The following SPATA13 variants were observed in gnomAD, a reference collection of about 807,000 sequenced individuals.
SPATA13 encodes spermatogenesis associated 13, also known as spermatogenesis-associated protein 13.
Under a neutral mutation model 104.0 loss-of-function variants are expected in SPATA13, and 50 were observed. That is an observed-to-expected ratio of 0.48 (90% CI 0.38 to 0.61). The LOEUF is 0.61. SPATA13 is among the 20% of genes least tolerant of loss of function. The probability of loss-of-function intolerance (pLI) is 0.00; values close to 1 mark genes in which losing one functional copy is unlikely to be tolerated. For synonymous variants in SPATA13, 606 were observed against 667.5 expected (o/e 0.91, Z 1.42); for missense variants, 1,524 against 1,690.6 (o/e 0.90, Z 1.73).
chr13:24,031,266 A>G (rs1311445065), intron 3 of SPATA13, among the ~76,000 whole-genome samples: 2 of 152,192 alleles, frequency 1.3e-5, no homozygotes, highest in African/African-American at 4.8e-5. Flanking sequence ...TAGGGCATTT[A>G]GCACAGACCA....
At chr13:24,213,057 C>T (rs529482892) in intron 1 of SPATA13, among the ~76,000 whole-genome samples, 29 of 152,322 alleles carry the variant, frequency 1.9e-4, no homozygotes, top group East Asian at 7.7e-4. Flanking sequence ...CTGCTTGGGT[C>T]GGCCCGTCTC....
chr13:24,148,299 C>G (rs974021984), intron 3 of SPATA13, among the ~76,000 whole-genome samples: 2 of 152,108 alleles, frequency 1.3e-5, no homozygotes, highest in African/African-American at 4.8e-5. Flanking sequence ...GGGTCTCAGT[C>G]CTACTTTCAT....
intron 3 of SPATA13, among the ~76,000 whole-genome samples, chr13:24,121,803 A>C (rs1881038282): frequency 6.6e-6 from 1 of 152,134 alleles, no homozygotes; most frequent in African/African-American, 2.4e-5. Context: ...GAAGCTTCAC[A>C]GTCAGGATCT....
rs1477265071 is a variant in SPATA13 at position 24,016,663 on chromosome 13, C to A, written c.-146-1004C>A. Among the ~76,000 whole-genome samples the A allele has an allele frequency of 2.0e-5, 3 of 152,234 alleles. No homozygotes were observed. The East Asian group carries it at 5.8e-4, about 29-fold the overall frequency. On this transcript the variant is annotated intron_variant, in intron 2 of 14. Coordinates refer to the SPATA13 transcript ENST00000424834. ...CCTCCCCGCTCCCTCTCCTTCCTGG[C>A]TCTCAGTTTCCTGAGCTGCGTGTCC...
chr13:24,199,242 C>G (rs1870267686), intron 1 of SPATA13, among the ~76,000 whole-genome samples: 1 of 152,138 alleles, frequency 6.6e-6, no homozygotes, highest in Non-Finnish European at 1.5e-5. Flanking sequence ...AATCCAGCAC[C>G]CACGCCAGCT....
intron 1 of SPATA13, among the ~76,000 whole-genome samples, chr13:24,220,678 A>T (rs1593431645): frequency 6.6e-6 from 1 of 152,152 alleles, no homozygotes; most frequent in South Asian, 2.1e-4. Context: ...AGAACATTAA[A>T]CTGCAGAGGG....
chr13:24,111,905 G>A (rs1880652990), intron 3 of SPATA13, among the ~76,000 whole-genome samples: 1 of 152,160 alleles, frequency 6.6e-6, no homozygotes, highest in Non-Finnish European at 1.5e-5. Context: ...ATGTTTCCTT[G>A]TTTGATGTTG....
intron 3 of SPATA13, among the ~76,000 whole-genome samples, chr13:24,140,420 C>T (rs1474337497): frequency 6.6e-6 from 1 of 152,148 alleles, no homozygotes; most frequent in African/African-American, 2.4e-5. Flanking sequence ...ACTAGTAATT[C>T]ATCTATAGAG....
intron 1 of SPATA13, among the ~76,000 whole-genome samples, chr13:23,982,037 G>T (rs944340717): frequency 1.3e-5 from 2 of 152,164 alleles, no homozygotes; most frequent in African/African-American, 4.8e-5. Context: ...TTTAAATTTG[G>T]TTATTCATGA....
chr13:24,120,657 T>G (rs1009892856), intron 3 of SPATA13, among the ~76,000 whole-genome samples: 11 of 152,238 alleles, frequency 7.2e-5, no homozygotes, highest in Non-Finnish European at 1.5e-4. Flanking sequence ...AGGTGAAATA[T>G]TAATGCTTAT....
At chr13:24,086,643 C>G (rs1009911289) in intron 3 of SPATA13, among the ~76,000 whole-genome samples, 1 of 152,154 alleles carries the variant, frequency 6.6e-6, no homozygotes. Flanking sequence ...GGGAATGCCA[C>G]AGAAGACACA....
In SPATA13 at chr13:24,120,668, G is replaced by A. The variant is rs559924974; in HGVS notation, c.-111-102151G>A. 9.2e-5 allele frequency among the ~76,000 whole-genome samples: 14 copies of A among 152,322 alleles called. 1 individual carries two copies. In the South Asian group the frequency reaches 2.9e-3, roughly 32 times the overall value. ...ATGAAGGTGAAATATTAATGCTTAT[G>A]AATTGGCACAAAGTAATGCTCCATA... is the stretch of plus-strand genomic sequence containing the variant. On this transcript the variant is annotated intron_variant, in intron 3 of 14. Coordinates refer to the SPATA13 transcript ENST00000424834.
At chr13:24,281,051 T>C (rs1875472239) in intron 4 of SPATA13, among the ~76,000 whole-genome samples, 1 of 148,414 alleles carries the variant, frequency 6.7e-6, no homozygotes, top group Non-Finnish European at 1.5e-5. Context: ...GGCTCCCTGC[T>C]GCCCACCCAC....
At chr13:24,211,479 C>CA (rs1418736667) in intron 1 of SPATA13, among the ~76,000 whole-genome samples, 1 of 149,240 alleles carries the variant, frequency 6.7e-6, no homozygotes, top group Non-Finnish European at 1.5e-5. Context: ...TGAATTTTGT[C>CA]AAAGGCTTTT....
At chr13:24,099,005 A>G (rs1880173296) in intron 3 of SPATA13, among the ~76,000 whole-genome samples, 1 of 151,930 alleles carries the variant, frequency 6.6e-6, no homozygotes, top group South Asian at 2.1e-4. Context: ...AGGAGGGTTG[A>G]GCTGAGGAGT....
chr13:24,014,861 C>T (rs1025216729), intron 2 of SPATA13, among the ~76,000 whole-genome samples: 1 of 137,844 alleles, frequency 7.3e-6, no homozygotes, highest in South Asian at 2.3e-4. Flanking sequence ...TCCAGGTTCC[C>T]TTTTTGGCAC....
At chr13:23,987,001 CTGTGTGTGTGTG>C (rs113990315) in intron 2 of SPATA13, among the ~76,000 whole-genome samples, 2,307 of 141,514 alleles carry the variant, frequency 0.016, 20 homozygotes, top group Non-Finnish European at 0.024. Context: ...ATGGATATAT[CTGTGTGTGTGTG>C]TGTGTGTGTG....
In SPATA13 at chr13:24,300,446, C is replaced by G; in HGVS notation, c.3629C>G (p.Ala1210Gly). ...ENQKKLAMLN[A>G]QKAGHGKSKG... ...CAGAAGAAACTTGCCATGTTAAATG[C>G]TCAAAAGGCAGGACATGGAAAGTCA... Residue 1210 changes from alanine (A) to glycine (G), a missense_variant, in exon 12 of 13, where the codon GCT (alanine) becomes GGT (glycine). Ala to Gly is a moderately conservative substitution (Grantham distance 60). This residue lies in a region of SPATA13 where 435 missense variants were observed against 554.8 expected (regional missense o/e 0.78). Coordinates refer to ENST00000382108, the MANE Select transcript of SPATA13 (RefSeq NM_001166271.3). 6.2e-7 allele frequency: 1 copy of G among 1,614,112 alleles called. No individual in the cohort carries two copies. The highest frequency in any genetic ancestry group is 8.5e-7 in the Non-Finnish European group (1 of 1,180,008).
chr13:24,174,469 C>A (rs576460530), intron 1 of SPATA13, among the ~76,000 whole-genome samples: 2 of 151,940 alleles, frequency 1.3e-5, no homozygotes, highest in South Asian at 4.1e-4. Context: ...TTCGTGCTAT[C>A]AGTTTCCCTC....
Sources: allele counts gnomAD v4.1 joint callset (sites outside exome capture counted in the v4.1 genomes callset), GRCh38; gene constraint gnomAD v4.1.1; regional missense constraint gnomAD v4.1.1; transcripts MANE v1.5; gene names NCBI Gene and HGNC (gene_info 2026-07-23, HGNC 2026-07-21).